TMPO: variants seen among roughly 807,000 people sequenced by gnomAD.
The protein encoded by TMPO is LEM domain containing 4.
TMPO carries 22 observed loss-of-function variants against 45.4 expected under a neutral mutation model. That is an observed-to-expected ratio of 0.48 (90% CI 0.35 to 0.69). The LOEUF (loss-of-function observed/expected upper bound fraction) is 0.69, where lower values mean the gene tolerates loss of function less well. TMPO is among the 30% of genes least tolerant of loss of function. The probability of loss-of-function intolerance (pLI) is 0.01; values close to 1 mark genes in which losing one functional copy is unlikely to be tolerated. For synonymous variants in TMPO, 241 were observed against 204.1 expected (o/e 1.18, Z -1.54); for missense variants, 512 against 548.8 (o/e 0.93, Z 0.67).
intron 7 of TMPO, 51 bp from the exon 8 acceptor site, chr12:98,546,308 G>A (rs1453777468): frequency 8.2e-7 from 1 of 1,225,372 alleles, no homozygotes; most frequent in South Asian, 1.2e-5. Context: ...ATTATTGCAT[G>A]TTTACACTAA....
intron 8 of TMPO, among the ~76,000 whole-genome samples, chr12:98,547,355 G>A (rs1368762520): frequency 2.0e-5 from 3 of 152,144 alleles, no homozygotes; most frequent in Non-Finnish European, 2.9e-5. Flanking sequence ...GATTGCAGGC[G>A]CGAGCCACCA....
In TMPO at chr12:98,548,988, A is replaced by T. The variant is rs909234373; in HGVS notation, c.*1130A>T. 2.0e-5 allele frequency: 3 copies of T among 152,190 alleles called. No individual in the cohort carries two copies. Among genetic ancestry groups the T allele is most frequent in the Non-Finnish European group, 4.4e-5 (3 of 68,144 alleles). 9.4% of individuals were successfully genotyped at this position (152,190 alleles called of 1,614,324 possible). On this transcript the variant is annotated 3_prime_UTR_variant, in exon 9 of 9. Transcript: ENST00000556029. ...ACAAAAAAATTAGCTGGGCGTGATG[A>T]TGTGCGCCTGTAGTCCTGTCTACTA...
In TMPO at chr12:98,546,203, G is replaced by T. The variant is rs537048080; in HGVS notation, c.991-156G>T. On this transcript the variant is annotated intron_variant, in intron 7 of 8. Coordinates refer to ENST00000556029, the MANE Select transcript of TMPO (RefSeq NM_001032283.3). ...AATTTGAAGAGAGCCTTGGAAGCAT[G>T]TGGATACCTAAATAATAATTTAGAA... Among the ~76,000 whole-genome samples the T allele has an allele frequency of 2.1e-3, 319 of 152,306 alleles. 1 individual carries two copies. Among genetic ancestry groups the T allele is most frequent in the African/African-American group, 7.2e-3 (299 of 41,570 alleles).
intron 8 of TMPO, 142 bp from the exon 9 acceptor site, chr12:98,547,431 A>G: frequency 2.1e-6 from 2 of 960,874 alleles, no homozygotes; most frequent in Admixed American, 2.5e-5. Context: ...GACTGACCTC[A>G]CTGCTTTATA....
rs759557168 is a variant in TMPO at position 98,533,378 on chromosome 12, C to T, written c.565+1540C>T. On this transcript the variant is annotated intron_variant, in intron 3 of 8. Transcript: ENST00000556029. ...TCACAACTAATTTCTCCGCCACTTG[C>T]CCAGGCAATCAGAGATTATGTCAAT... The T allele has an allele frequency of 1.9e-6, 3 of 1,614,062 alleles. No individual in the cohort carries two copies. The highest frequency in any genetic ancestry group is 2.5e-6 in the Non-Finnish European group (3 of 1,180,044).
intron 1 of TMPO, among the ~76,000 whole-genome samples, chr12:98,519,754 G>A (rs1467355522): frequency 6.6e-6 from 1 of 152,094 alleles, no homozygotes; most frequent in African/African-American, 2.4e-5. Context: ...GTACAAGTGA[G>A]TTATAATTAG....
intron 4 of TMPO, among the ~76,000 whole-genome samples, chr12:98,538,096 T>C (rs993130755): frequency 6.6e-6 from 1 of 152,158 alleles, no homozygotes; most frequent in African/African-American, 2.4e-5. Flanking sequence ...AAAAGGGAAA[T>C]GTAGGAAACT....
intron 3 of TMPO, among the ~76,000 whole-genome samples, chr12:98,536,078 T>G (rs1390877513): frequency 5.3e-5 from 8 of 152,210 alleles, no homozygotes; most frequent in African/African-American, 1.9e-4. Context: ...CTGAACTGTT[T>G]AAACTAACTT....
intron 1 of TMPO, among the ~76,000 whole-genome samples, chr12:98,520,677 G>A (rs906198762): frequency 1.3e-5 from 2 of 150,456 alleles, no homozygotes; most frequent in African/African-American, 4.9e-5. Context: ...CAGCTGGAGT[G>A]CAGTGGTGCA....
Position 98,535,638 on chromosome 12 carries a change from T to C in TMPO, c.566-1837T>C. 5 of 985,460 alleles carry C rather than the reference T, an allele frequency of 5.1e-6. No individual in the cohort carries two copies. In the South Asian group the frequency reaches 2.3e-4, roughly 46 times the overall value. 61.0% of individuals were successfully genotyped at this position (985,460 alleles called of 1,614,324 possible). A position where few individuals can be genotyped will look rare whatever the true frequency, so the allele number is the denominator to read the frequency against. ...AAGTTGTTAAATTTGAACAGTGTTG[T>C]GTGGTCTCCAGAAACATGTTGTTCT... On this transcript the variant is annotated intron_variant, in intron 3 of 8. Coordinates refer to ENST00000556029, the MANE Select transcript of TMPO (RefSeq NM_001032283.3).
At chr12:98,543,144 C>G (rs956959787) in intron 4 of TMPO, among the ~76,000 whole-genome samples, 1 of 152,018 alleles carries the variant, frequency 6.6e-6, no homozygotes, top group Non-Finnish European at 1.5e-5. Context: ...ACTCCTGTCA[C>G]AGGATTAAAG....
At chr12:98,544,581 T>G in intron 6 of TMPO, 44 bp downstream of exon 6, 1 of 1,506,342 alleles carries the variant, frequency 6.6e-7, no homozygotes, top group Non-Finnish European at 9.2e-7. Context: ...TCTTTGTAAA[T>G]TACCCTTTAA....
rs752773429 is a variant in TMPO, at chr12:98,516,727, T to G, written c.279+581T>G. 2.0e-5 allele frequency among the ~76,000 whole-genome samples: 3 copies of G among 152,344 alleles called. No homozygotes were observed. In the East Asian group the frequency reaches 5.8e-4, roughly 29 times the overall value. On this transcript the variant is annotated intron_variant, in intron 1 of 8. Transcript: ENST00000556029. ...TTTAATTTTTCCCAGCAACAGGCCA[T>G]CTTTTGGCGGAACAGGTTCATGCCG...
intron 2 of TMPO, among the ~76,000 whole-genome samples, chr12:98,529,521 T>C (rs1877032946): frequency 6.6e-6 from 1 of 152,172 alleles, no homozygotes; most frequent in Non-Finnish European, 1.5e-5. Context: ...TGCCTTAGTT[T>C]TGGAGGGTCT....
Position 98,545,080 on chromosome 12 carries a change from G to C in TMPO, c.990+19G>C, listed in dbSNP as rs750059707. ...AGCTGAAGTAAATGAATACAATTTA[G>C]ATCGATGCTATCATTGATCTTTCAA... is the stretch of plus-strand genomic sequence containing the variant. On this transcript the variant is annotated intron_variant, in intron 7 of 8. Transcript: ENST00000556029. 6.9e-7 allele frequency: 1 copy of C among 1,440,140 alleles called. No individual in the cohort carries two copies. The highest frequency in any genetic ancestry group is 1.1e-5 in the South Asian group (1 of 87,598). 89.2% of individuals were successfully genotyped at this position (1,440,140 alleles called of 1,614,324 possible). A position where few individuals can be genotyped will look rare whatever the true frequency, so the allele number is the denominator to read the frequency against.
At chr12:98,516,572 TC>T (rs1454503751) in intron 1 of TMPO, 4 of 1,002,868 alleles carry the variant, frequency 4.0e-6, no homozygotes, top group Non-Finnish European at 4.8e-6. Context: ...CAGCAGAGTC[TC>T]AGAGCGCTCC....
intron 3 of TMPO, chr12:98,532,296 C>T (rs1214299081): frequency 6.2e-6 from 1 of 161,300 alleles, no homozygotes; most frequent in Non-Finnish European, 1.4e-5. Context: ...AATCTTATCA[C>T]TTGCTTTTTC....
intron 2 of TMPO, among the ~76,000 whole-genome samples, chr12:98,531,018 C>T (rs1004641284): frequency 1.3e-5 from 2 of 152,186 alleles, no homozygotes; most frequent in Non-Finnish European, 2.9e-5. Flanking sequence ...TATCAGCTCA[C>T]CGCAACCTCC....
At chr12:98,521,773 A>C (rs1876385443) in intron 1 of TMPO, among the ~76,000 whole-genome samples, 1 of 152,228 alleles carries the variant, frequency 6.6e-6, no homozygotes, top group Non-Finnish European at 1.5e-5. Context: ...GCTGTCATCC[A>C]GGCTGGAGTG....
Sources: allele counts gnomAD v4.1 joint callset (sites outside exome capture counted in the v4.1 genomes callset), GRCh38; gene constraint gnomAD v4.1.1; transcripts MANE v1.5; gene names NCBI Gene and HGNC (gene_info 2026-07-23, HGNC 2026-07-21).